The following ZEB2 variants were observed in gnomAD, a reference collection of about 807,000 sequenced individuals.
The protein encoded by ZEB2 is zinc finger E-box binding homeobox 2.
A neutral mutation model predicts 99.9 loss-of-function variants in ZEB2; 6 were observed. That is an observed-to-expected ratio of 0.06 (90% CI 0.03 to 0.12). ZEB2 has a LOEUF of 0.12. Among genes scored for constraint, ZEB2 ranks in the 10% least tolerant of loss-of-function variants. The pLI is 1.00. For missense variants in ZEB2, 969 were observed against 1,502.8 expected, an observed-to-expected ratio of 0.64 and a Z score of 5.87; for synonymous variants, 517 against 542.5, an observed-to-expected ratio of 0.95 and a Z score of 0.65.
At position 144,501,440 on chromosome 2, in the gene ZEB2, T is replaced by C. The variant is rs138723026; in HGVS notation, c.73+15838A>G. ...CTTCATCTCCTGCTTTGCTTCTTTT[T>C]ACACTCTATTCCTTAGAAGATCCTA... On this transcript the variant is annotated intron_variant, in intron 2 of 9. Transcript: ENST00000627532. Among the ~76,000 whole-genome samples the C allele has an allele frequency of 3.4e-3, 519 of 152,354 alleles. 1 individual carries two copies. The highest frequency in any genetic ancestry group is 5.6e-3 in the Non-Finnish European group (380 of 68,030).
At chr2:144,394,668 T>C (rs11888238) in intron 9 of ZEB2, among the ~76,000 whole-genome samples, 12,742 of 152,232 alleles carry the variant, frequency 0.084, 788 homozygotes, top group African/African-American at 0.17. Context: ...ATAAAAGCTG[T>C]TTGGATTTAG....
rs184526085 is a variant in ZEB2 at position 144,415,235 on chromosome 2, C to G, written c.403+9561G>C. Among the ~76,000 whole-genome samples, 7 of 152,086 alleles carry G rather than the reference C, an allele frequency of 4.6e-5. No homozygotes were observed. In the East Asian group the frequency reaches 1.2e-3, roughly 25 times the overall value. ...ATTTGTAATCAAGTTTCTAAAGGCG[C>G]TCAATAAAGAATAACTTTCCATAGC... On this transcript the variant is annotated intron_variant, in intron 4 of 9. Coordinates refer to ENST00000627532, the MANE Select transcript of ZEB2 (RefSeq NM_014795.4).
chr2:144,446,492 T>C (rs1380590612), intron 2 of ZEB2, among the ~76,000 whole-genome samples: 3 of 152,086 alleles, frequency 2.0e-5, no homozygotes, highest in Non-Finnish European at 2.9e-5. Flanking sequence ...AGATACACCT[T>C]TCATCTTCAG....
intron 2 of ZEB2, among the ~76,000 whole-genome samples, chr2:144,443,980 T>A (rs1703951041): frequency 6.6e-6 from 1 of 152,158 alleles, no homozygotes; most frequent in Admixed American, 6.5e-5. Context: ...GCTTGAGAGA[T>A]CATGGTGACA....
chr2:144,445,873 A>C (rs966568291), intron 2 of ZEB2, among the ~76,000 whole-genome samples: 3 of 152,204 alleles, frequency 2.0e-5, no homozygotes, highest in Non-Finnish European at 4.4e-5. Flanking sequence ...TAATTACTAG[A>C]AGCTCTGCTG....
chr2:144,445,956 T>C (rs1703977542), intron 2 of ZEB2, among the ~76,000 whole-genome samples: 1 of 152,196 alleles, frequency 6.6e-6, no homozygotes, highest in African/African-American at 2.4e-5. Context: ...TATCCATACT[T>C]TGGCTTTTCA....
At chr2:144,467,471 T>C (rs1019070440) in intron 2 of ZEB2, among the ~76,000 whole-genome samples, 1 of 152,186 alleles carries the variant, frequency 6.6e-6, no homozygotes, top group Non-Finnish European at 1.5e-5. Flanking sequence ...CTTAAACGTA[T>C]GGACCCACTG....
rs1328776628 is a variant in ZEB2 at position 144,398,350 on chromosome 2, A to G, written c.2837T>C (p.Phe946Ser). 1 of 1,613,944 alleles carries G rather than the reference A, an allele frequency of 6.2e-7. No homozygotes were observed. Among genetic ancestry groups the G allele is most frequent in the Admixed American group, 1.7e-5 (1 of 59,996 alleles). ...CTTTCTCCTTTGCTGCATATCAGCA[A>G]AAGTAGCTGCTCCAGTTGGGTAGGT... ...AYTYPTGAAT[F>S]ADMQQRRKYQ... The change falls in exon 8 of 10, where the codon TTT (phenylalanine) becomes TCT (serine). Residue 946 changes from phenylalanine (F) to serine (S), a missense_variant. By Grantham distance (155) the Phe-to-Ser change is radical. Coordinates refer to ENST00000627532, the MANE Select transcript of ZEB2 (RefSeq NM_014795.4).
intron 2 of ZEB2, among the ~76,000 whole-genome samples, chr2:144,493,375 A>G (rs1157479189): frequency 6.6e-6 from 1 of 152,228 alleles, no homozygotes; most frequent in East Asian, 1.9e-4. Context: ...AGATTCTATA[A>G]AACAAATACT....
intron 8 of ZEB2, among the ~76,000 whole-genome samples, 183 bp downstream of exon 8, chr2:144,398,118 T>C (rs1703254285): frequency 1.3e-5 from 2 of 152,236 alleles, no homozygotes; most frequent in Non-Finnish European, 2.9e-5. Context: ...CAAATGTGCT[T>C]AGAGTACAGT....
chr2:144,395,806 G>C (rs576725024), intron 9 of ZEB2, among the ~76,000 whole-genome samples: 6 of 152,170 alleles, frequency 3.9e-5, no homozygotes, highest in Non-Finnish European at 8.8e-5. Flanking sequence ...TTCCTAATTA[G>C]TAATGCATGA....
At chr2:144,430,086 CT>C (rs1307905896) in intron 2 of ZEB2, 60 bp from the exon 3 acceptor site, 38 of 1,601,452 alleles carry the variant, frequency 2.4e-5, no homozygotes, top group Non-Finnish European at 3.0e-5. Context: ...TCAGCCACCC[CT>C]AATTGTTTAG....
chr2:144,429,385 A>T (rs541754637), intron 3 of ZEB2: 1 of 212,738 alleles, frequency 4.7e-6, no homozygotes, highest in South Asian at 6.9e-5. Context: ...TTTCCACACA[A>T]AATATTTTTA....
intron 2 of ZEB2, among the ~76,000 whole-genome samples, chr2:144,455,413 T>C (rs552073029): frequency 1.1e-4 from 16 of 152,316 alleles, no homozygotes; most frequent in African/African-American, 3.8e-4. Flanking sequence ...AGGTAAAATT[T>C]ACAAGCTGAC....
At chr2:144,395,954 T>TA (rs34026047) in intron 9 of ZEB2, among the ~76,000 whole-genome samples, 16 of 149,246 alleles carry the variant, frequency 1.1e-4, no homozygotes, top group African/African-American at 1.7e-4. Context: ...GTGGCGAATT[T>TA]AAAAAAAAAA....
chr2:144,497,982 A>ATG (rs1487206758), intron 2 of ZEB2, among the ~76,000 whole-genome samples: 1,175 of 2,894 alleles, frequency 0.41, 387 homozygotes, highest in South Asian at 0.57. Context: ...ATATTATATA[A>ATG]TATATTAATA....
chr2:144,414,199 A>C (rs978367978), intron 4 of ZEB2, among the ~76,000 whole-genome samples: 6 of 152,208 alleles, frequency 3.9e-5, no homozygotes, highest in Non-Finnish European at 8.8e-5. Flanking sequence ...TTTCTGTTCA[A>C]TACTTGAAGC....
Position 144,399,654 on chromosome 2 carries a change from G to A in ZEB2, c.1533C>T (p.Val511=), listed in dbSNP as rs587780994. The A allele has an allele frequency of 1.7e-5, 28 of 1,614,080 alleles. No homozygotes were observed. The East Asian group carries it at 1.8e-4, about 10-fold the overall frequency. Residue 511 remains valine (V), a synonymous_variant, in exon 8 of 10, where the codon GTC becomes GTT. Coordinates refer to ENST00000627532, the MANE Select transcript of ZEB2 (RefSeq NM_014795.4). This position sits in a 1 kb window ranked among gnomAD's most constrained non-coding sequence, Gnocchi z 5.6. ...QGVTSPNIPP[V]GLPVVSHNGA... is the part of the protein sequence containing the mutation. ...CATTATGACTCACTACCGGAAGACC[G>A]ACAGGCGGAATATTAGGAGAAGTAA...
At chr2:144,427,219 G>A (rs1045436278) in intron 3 of ZEB2, 3 of 152,214 alleles carry the variant, frequency 2.0e-5, no homozygotes, top group Non-Finnish European at 4.4e-5. Flanking sequence ...TTAAGTCTGT[G>A]TCAATGATAA....
Sources: allele counts gnomAD v4.1 joint callset (sites outside exome capture counted in the v4.1 genomes callset), GRCh38; gene constraint gnomAD v4.1.1; non-coding constraint Gnocchi (gnomAD v3.1); transcripts MANE v1.5; gene names NCBI Gene and HGNC (gene_info 2026-07-23, HGNC 2026-07-21).